The following CEP164 variants were observed in gnomAD, a reference collection of about 807,000 sequenced individuals.
The protein encoded by CEP164 is centrosomal protein of 164 kDa.
Under a neutral mutation model 182.7 loss-of-function variants are expected in CEP164, and 162 were observed. The observed-to-expected ratio is 0.89, with a 90% confidence interval of 0.78 to 1.01. CEP164 has a LOEUF of 1.01. Ranked by LOEUF, CEP164 falls within the 50% of genes least tolerant of loss-of-function variation. The pLI is 0.00. For synonymous variants in CEP164, 661 were observed against 690.0 expected, an observed-to-expected ratio of 0.96 and a Z score of 0.66; for missense variants, 1,735 against 1,790.4, an observed-to-expected ratio of 0.97 and a Z score of 0.56.
At chr11:117,337,446 G>C (rs904421805) in intron 2 of CEP164, among the ~76,000 whole-genome samples, 6 of 149,850 alleles carry the variant, frequency 4.0e-5, no homozygotes, top group Non-Finnish European at 7.4e-5. Flanking sequence ...GGCTGAGGCG[G>C]GAGCATTGCT....
chr11:117,399,539 G>C (rs1382185169), intron 27 of CEP164, among the ~76,000 whole-genome samples: 2 of 152,198 alleles, frequency 1.3e-5, no homozygotes, highest in Admixed American at 6.5e-5. Context: ...TCTGGTTCTA[G>C]ATCCTTGAGG....
chr11:117,324,756 C>A (rs886563412), upstream of CEP164, among the ~76,000 whole-genome samples: 5 of 151,908 alleles, frequency 3.3e-5, no homozygotes, highest in Non-Finnish European at 5.9e-5. Flanking sequence ...AATCCCAGCA[C>A]TTTGGAAGGC....
rs1171493896 is a variant in CEP164, at chr11:117,362,410, C to T, written c.559C>T (p.Gln187Ter). ...RQLGELMLPSQGLKTSAYTKG... is the reference protein window; with the variant it reads ...RQLGELMLPS ...GTCCTTCTCTATTTTGAAGCCTTCA[C>T]AGGGTCTCAAGACCTCTGCTTATAC... Residue 187 changes from glutamine (Q) to a stop codon, truncating the protein, a stop_gained, in exon 7 of 33, where the codon CAG becomes TAG. Coordinates refer to ENST00000278935, the MANE Select transcript of CEP164 (RefSeq NM_014956.5). LOFTEE classifies it high-confidence loss of function. The T allele has an allele frequency of 3.1e-6, 5 of 1,612,236 alleles. No homozygotes were observed. The African/African-American group carries it at 4.0e-5, about 13-fold the overall frequency.
chr11:117,367,132 A>G (rs2041724023), intron 8 of CEP164, among the ~76,000 whole-genome samples: 1 of 152,164 alleles, frequency 6.6e-6, no homozygotes, highest in Admixed American at 6.5e-5. Context: ...CCCAGAGTGT[A>G]TACCTGGTTG....
intron 8 of CEP164, among the ~76,000 whole-genome samples, chr11:117,370,561 C>A (rs1030174333): frequency 2.6e-5 from 4 of 152,178 alleles, no homozygotes; most frequent in Admixed American, 6.5e-5. Context: ...ATATCCAAAT[C>A]ACTATAGAAA....
At chr11:117,340,338 TGAAGCA>T (rs2037914435) in intron 3 of CEP164, among the ~76,000 whole-genome samples, 4 of 152,246 alleles carry the variant, frequency 2.6e-5, no homozygotes, top group Admixed American at 2.0e-4. Flanking sequence ...GCCTGCACTT[TGAAGCA>T]CTATGCAATT....
rs1280268567 is a variant in CEP164 at position 117,409,580 on chromosome 11, C to A, written c.3749-38C>A. 1 of 1,558,660 alleles carries A rather than the reference C, an allele frequency of 6.4e-7. No individual in the cohort carries two copies. The highest frequency in any genetic ancestry group is 8.7e-7 in the Non-Finnish European group (1 of 1,144,942). ...TCTGGGAATGGTCCAGGGTCCTGAG[C>A]TTGAGTCCCTTCCCACCATCCACCT... On this transcript the variant is annotated intron_variant, in intron 29 of 32. Coordinates refer to ENST00000278935, the MANE Select transcript of CEP164 (RefSeq NM_014956.5). The surrounding 1 kb of genome is among the most constrained non-coding windows in gnomAD (Gnocchi z 4.4).
In CEP164 at chr11:117,409,443, C is replaced by T. The variant is rs929611132; in HGVS notation, c.3749-175C>T. On this transcript the variant is annotated intron_variant, in intron 29 of 32. Transcript: ENST00000278935. The surrounding 1 kb of genome is among the most constrained non-coding windows in gnomAD (Gnocchi z 4.4). ...TTTCTCATGGCCAGCTTCTCACTTG[C>T]ACTGTCTGGAACACAGAAGCCCTGC... 3 of 643,526 alleles carry T rather than the reference C, an allele frequency of 4.7e-6. No homozygotes were observed. Among genetic ancestry groups the T allele is most frequent in the Admixed American group, 5.7e-5 (2 of 35,026 alleles). The allele number at this position is 643,526 out of a possible 1,614,324, so 39.9% of individuals were successfully genotyped here.
At chr11:117,325,707 G>C (rs1421750524), upstream of CEP164, among the ~76,000 whole-genome samples, 3 of 152,096 alleles carry the variant, frequency 2.0e-5, no homozygotes, top group Non-Finnish European at 4.4e-5. Context: ...AGAAGATGGA[G>C]AGGAAAGGGG....
Position 117,397,133 on chromosome 11 carries a change from G to T in CEP164, c.3321G>T (p.Gly1107=). Residue 1107 remains glycine (G), a synonymous_variant, in exon 27 of 33, where the codon GGG becomes GGT. Coordinates refer to ENST00000278935, the MANE Select transcript of CEP164 (RefSeq NM_014956.5). ...HNVWHLLSAE[G]VALRSAKEFL... is the part of the protein sequence containing the mutation. ...TCTGGCACCTCCTCTCTGCTGAGGG[G>T]GTAGCCCTCCGTAGTGCCAAGGAGT... 6.2e-7 allele frequency: 1 copy of T among 1,614,188 alleles called. No homozygotes were observed. Among genetic ancestry groups the T allele is most frequent in the Non-Finnish European group, 8.5e-7 (1 of 1,180,022 alleles).
chr11:117,373,353 C>A (rs1487562031), intron 9 of CEP164, among the ~76,000 whole-genome samples: 2 of 150,890 alleles, frequency 1.3e-5, no homozygotes, highest in Admixed American at 6.6e-5. Flanking sequence ...CAGAGCGAGA[C>A]TCCATCTCGG....
chr11:117,356,248 C>G, intron 5 of CEP164: 1 of 1,100,842 alleles, frequency 9.1e-7, no homozygotes, highest in Non-Finnish European at 1.1e-6. Context: ...AGAGGTTCTA[C>G]CAGCACATCC....
chr11:117,395,087 G>T (rs778188410), intron 22 of CEP164, 36 bp from the exon 23 acceptor site: 1 of 1,613,942 alleles, frequency 6.2e-7, no homozygotes, highest in East Asian at 2.2e-5. Flanking sequence ...CCTGGGGTCT[G>T]CAGTCAGCCA....
chr11:117,381,175 C>T (rs147457196), intron 12 of CEP164, among the ~76,000 whole-genome samples: 430 of 152,322 alleles, frequency 2.8e-3, no homozygotes, highest in African/African-American at 9.8e-3. Context: ...GAGAGTGCAA[C>T]TGTGTGTGAT....
chr11:117,355,430 C>G, intron 5 of CEP164: 1 of 1,289,808 alleles, frequency 7.8e-7, no homozygotes, highest in South Asian at 1.2e-5. Context: ...CCACTCAAAG[C>G]TTTCTGAAGC....
At chr11:117,398,260 C>T (rs1441821844) in intron 27 of CEP164, among the ~76,000 whole-genome samples, 10 of 152,366 alleles carry the variant, frequency 6.6e-5, no homozygotes, top group Non-Finnish European at 1.5e-4. Context: ...TTCTCATTGT[C>T]TTGGGCAGCT....
chr11:117,378,071 G>A (rs1470634554), intron 11 of CEP164, among the ~76,000 whole-genome samples: 1 of 151,244 alleles, frequency 6.6e-6, no homozygotes, highest in African/African-American at 2.4e-5. Context: ...GTTTCCCCAT[G>A]TTGGCCAGGC....
rs572361865 is a variant in CEP164 at position 117,397,410 on chromosome 11, C to T, written c.3501+97C>T. The T allele has an allele frequency of 1.6e-3, 1,941 of 1,222,032 alleles. 7 individuals are homozygous for T. Among genetic ancestry groups the T allele is most frequent in the South Asian group, 3.0e-3 (195 of 65,942 alleles). 75.7% of individuals were successfully genotyped at this position (1,222,032 alleles called of 1,614,324 possible). A position where few individuals can be genotyped will look rare whatever the true frequency, so the allele number is the denominator to read the frequency against. On this transcript the variant is annotated intron_variant, in intron 27 of 32. Transcript: ENST00000278935. ...GGGCTCCCCCTCAGTTGGTCATTCT[C>T]GGGACTCCATGAGAGTGGCCACCTT...
intron 4 of CEP164, 62 bp from the exon 5 acceptor site, chr11:117,351,728 C>CTT: frequency 8.2e-5 from 109 of 1,331,840 alleles, no homozygotes; most frequent in South Asian, 3.5e-4. Context: ...TTTTTCCCCT[C>CTT]TTTTTTTTTT....
Sources: gnomAD v4.1 joint callset for allele counts (sites outside exome capture counted in the v4.1 genomes callset) on GRCh38, gnomAD v4.1.1 for gene constraint, Gnocchi (gnomAD v3.1) non-coding constraint, MANE v1.5 for transcripts, NCBI Gene and HGNC (gene_info 2026-07-23, HGNC 2026-07-21) for gene names.